RYR3: variants seen among roughly 807,000 people sequenced by gnomAD.
The protein encoded by RYR3 is ryanodine receptor 3.
RYR3 carries 207 observed loss-of-function variants against 584.3 expected under a neutral mutation model. That is an observed-to-expected ratio of 0.35 (90% confidence interval 0.32 to 0.40). The LOEUF is 0.40. Ranked by LOEUF, RYR3 falls within the 10% of genes least tolerant of loss-of-function variation. RYR3 has a pLI of 1.00. For synonymous variants in RYR3, 2,416 were observed against 2,248.5 expected (o/e 1.07, Z -2.11); for missense variants, 5,616 against 6,089.2 (o/e 0.92, Z 2.59).
In RYR3 at chr15:33,767,818, C is replaced by A. The variant is rs189596701; in HGVS notation, c.8706-840C>A. 1.4e-4 allele frequency among the ~76,000 whole-genome samples: 21 copies of A among 152,304 alleles called. No homozygotes were observed. The East Asian group carries it at 3.9e-3, about 28-fold the overall frequency. ...TAATGTCAGTTCTGAGCAATCTCTT[C>A]CCAAGAGCCTCAGCAACACAGGTCA... On this transcript the variant is annotated intron_variant, in intron 60 of 103. Coordinates refer to ENST00000634891, the MANE Select transcript of RYR3 (RefSeq NM_001036.6).
At chr15:33,807,926 C>A (rs2152940231) in intron 70 of RYR3, 2 of 281,962 alleles carry the variant, frequency 7.1e-6, no homozygotes, top group East Asian at 1.5e-4. Flanking sequence ...TACCCAGGGT[C>A]AGAGTCCTAT....
intron 43 of RYR3, among the ~76,000 whole-genome samples, chr15:33,709,284 G>A (rs1222971219): frequency 6.6e-6 from 1 of 152,098 alleles, no homozygotes; most frequent in Non-Finnish European, 1.5e-5. Context: ...GGGTTCAAGA[G>A]GGGAAACTTA....
At chr15:33,862,839 G>A (rs1474969075) in intron 102 of RYR3, among the ~76,000 whole-genome samples, 1 of 152,048 alleles carries the variant, frequency 6.6e-6, no homozygotes, top group Non-Finnish European at 1.5e-5. Flanking sequence ...TCAAACTCCT[G>A]ACCTGAAGTG....
At chr15:33,570,179 T>G (rs994241821) in intron 12 of RYR3, among the ~76,000 whole-genome samples, 2 of 152,192 alleles carry the variant, frequency 1.3e-5, no homozygotes, top group Non-Finnish European at 2.9e-5. Context: ...TTCTCCTCTG[T>G]GTTTTTCTAA....
intron 43 of RYR3, among the ~76,000 whole-genome samples, chr15:33,717,488 C>G (rs1567014708): frequency 1.3e-5 from 2 of 152,088 alleles, no homozygotes; most frequent in African/African-American, 2.4e-5. Flanking sequence ...TCTGTTGATT[C>G]AGCATCTAAA....
chr15:33,622,179 A>G (rs2060759224), intron 19 of RYR3, among the ~76,000 whole-genome samples: 1 of 152,180 alleles, frequency 6.6e-6, no homozygotes, highest in Admixed American at 6.5e-5. Context: ...ACCCATCAGC[A>G]GCTTTCCATT....
At chr15:33,603,562 T>C (rs1278310688) in intron 18 of RYR3, among the ~76,000 whole-genome samples, 198 bp downstream of exon 18, 1 of 152,218 alleles carries the variant, frequency 6.6e-6, no homozygotes, top group Non-Finnish European at 1.5e-5. Context: ...CCTAGCTACA[T>C]GGTCTAGTGC....
At chr15:33,339,608 G>A (rs28382315) in intron 1 of RYR3, among the ~76,000 whole-genome samples, 51,558 of 152,006 alleles carry the variant, frequency 0.34, 9,111 homozygotes, top group East Asian at 0.52. Flanking sequence ...TGCCATTACC[G>A]GCCGGGCGCG....
At chr15:33,513,850 C>T (rs750652483) in intron 3 of RYR3, among the ~76,000 whole-genome samples, 8 of 152,144 alleles carry the variant, frequency 5.3e-5, no homozygotes, top group African/African-American at 1.4e-4. Flanking sequence ...AGTGTCTACC[C>T]GTGATGAAGG....
At chr15:33,438,807 G>A (rs905317986) in intron 1 of RYR3, among the ~76,000 whole-genome samples, 2 of 151,676 alleles carry the variant, frequency 1.3e-5, no homozygotes, top group Non-Finnish European at 2.9e-5. Flanking sequence ...ATAACTAAAA[G>A]AATGGACTCT....
chr15:33,547,720 T>C (rs940627415), intron 8 of RYR3, among the ~76,000 whole-genome samples: 7 of 152,196 alleles, frequency 4.6e-5, no homozygotes, highest in Non-Finnish European at 1.0e-4. Flanking sequence ...ATAGGTGTTT[T>C]TAAAGTACAA....
chr15:33,631,099 C>T, intron 22 of RYR3, 111 bp from the exon 23 acceptor site: 2 of 658,668 alleles, frequency 3.0e-6, no homozygotes, highest in Non-Finnish European at 5.3e-6. Flanking sequence ...TCTACTGACC[C>T]CTGGGCTAAA....
At chr15:33,835,319 T>TTTTA (rs397701049) in intron 87 of RYR3, among the ~76,000 whole-genome samples, 3 of 151,438 alleles carry the variant, frequency 2.0e-5, no homozygotes, top group African/African-American at 7.3e-5. Context: ...AACCTACCCT[T>TTTTA]ATTATTGCCT....
At chr15:33,507,684 A>G (rs2052597825) in intron 3 of RYR3, among the ~76,000 whole-genome samples, 1 of 152,170 alleles carries the variant, frequency 6.6e-6, no homozygotes, top group African/African-American at 2.4e-5. Flanking sequence ...AAATGACTTT[A>G]AAGTGAGAGC....
chr15:33,545,919 A>G (rs1188711023), intron 8 of RYR3, among the ~76,000 whole-genome samples: 1 of 152,180 alleles, frequency 6.6e-6, no homozygotes, highest in Non-Finnish European at 1.5e-5. Context: ...GTGGAAACCC[A>G]AGATTAACAG....
chr15:33,368,338 C>A (rs1274827353), intron 1 of RYR3, among the ~76,000 whole-genome samples: 1 of 85,846 alleles, frequency 1.2e-5, no homozygotes, highest in Non-Finnish European at 2.1e-5. Flanking sequence ...GCCTTCCTGT[C>A]TTTTTTTTTT....
intron 73 of RYR3, 44 bp downstream of exon 73, chr15:33,813,038 T>C: frequency 6.2e-7 from 1 of 1,611,358 alleles, no homozygotes; most frequent in Non-Finnish European, 8.5e-7. Context: ...AGAAACACCC[T>C]GGACCATACA....
intron 27 of RYR3, among the ~76,000 whole-genome samples, chr15:33,642,992 G>A (rs918769707): frequency 2.0e-5 from 3 of 152,184 alleles, no homozygotes; most frequent in African/African-American, 4.8e-5. Flanking sequence ...AGAGATTTAC[G>A]TTTCACTTAT....
intron 8 of RYR3, among the ~76,000 whole-genome samples, chr15:33,544,592 ACT>A (rs1164941030): frequency 6.6e-6 from 1 of 151,814 alleles, no homozygotes; most frequent in Non-Finnish European, 1.5e-5. Flanking sequence ...AGAGCTGCTG[ACT>A]CTCCATCAGG....
Sources: allele counts gnomAD v4.1 joint callset (sites outside exome capture counted in the v4.1 genomes callset), GRCh38; gene constraint gnomAD v4.1.1; transcripts MANE v1.5; gene names NCBI Gene and HGNC (gene_info 2026-07-23, HGNC 2026-07-21).